Variants in RELN observed in about 807,000 individuals in gnomAD.
The protein encoded by RELN is reelin.
In RELN, 108 loss-of-function variants were observed where a neutral mutation model predicts 427.6. The ratio of observed to expected loss-of-function variants is 0.25; its 90% CI spans 0.22 to 0.30. The LOEUF is 0.30. Ranked by LOEUF, RELN falls within the 10% of genes least tolerant of loss-of-function variation. The pLI is 1.00. For missense variants in RELN, 3,715 were observed against 4,302.8 expected, an observed-to-expected ratio of 0.86 and a Z score of 3.82; for synonymous variants, 1,524 against 1,513.4, an observed-to-expected ratio of 1.01 and a Z score of -0.16.
chr7:103,971,106 C>T (rs553694265), intron 1 of RELN, among the ~76,000 whole-genome samples: 13 of 149,438 alleles, frequency 8.7e-5, no homozygotes, highest in South Asian at 2.1e-4. Flanking sequence ...GAGCAGAGAC[C>T]GTGCCACTGC....
intron 12 of RELN, among the ~76,000 whole-genome samples, chr7:103,656,675 G>A (rs1349262233): frequency 2.0e-5 from 3 of 152,014 alleles, no homozygotes; most frequent in African/African-American, 7.2e-5. Flanking sequence ...AAATTTGTGG[G>A]TTTTTGTTTT....
chr7:103,496,704 G>A lies in RELN; in HGVS notation c.9015C>T (p.Tyr3005=), dbSNP rs1162453862. ...YQKYISVRHD[Y]ILLPEDALTN... is the part of the protein sequence containing the mutation. ...TGAGGGCATCTTCAGGAAGAAGTAT[G>A]TAGTCGTGTCTAACAGAAATGTATT... Residue 3005 remains tyrosine (Y), a synonymous_variant, in exon 56 of 65, where the codon TAC becomes TAT. Transcript: ENST00000428762. 1 of 1,614,140 alleles carries A rather than the reference G, an allele frequency of 6.2e-7. No individual in the cohort carries two copies. Among genetic ancestry groups the A allele is most frequent in the East Asian group, 2.2e-5 (1 of 44,874 alleles).
chr7:103,719,773 C>CT (rs1306240843), intron 8 of RELN, among the ~76,000 whole-genome samples: 2 of 152,180 alleles, frequency 1.3e-5, no homozygotes, highest in Non-Finnish European at 2.9e-5. Flanking sequence ...GCCCCTAAGG[C>CT]TACTACCATA....
intron 2 of RELN, among the ~76,000 whole-genome samples, chr7:103,837,008 C>T (rs28513620): frequency 0.14 from 21,010 of 151,996 alleles, 1,627 homozygotes; most frequent in East Asian, 0.27. Flanking sequence ...CTCCTCAATC[C>T]CCAAGATTTA....
intron 12 of RELN, among the ~76,000 whole-genome samples, chr7:103,658,761 C>T (rs1354910288): frequency 6.6e-6 from 1 of 151,812 alleles, no homozygotes; most frequent in Admixed American, 6.6e-5. Context: ...GGGGAAACTC[C>T]CTCCAAAGTC....
chr7:103,935,184 T>G (rs1795953718), intron 1 of RELN, among the ~76,000 whole-genome samples: 1 of 152,240 alleles, frequency 6.6e-6, no homozygotes, highest in African/African-American at 2.4e-5. Flanking sequence ...AATCATATTT[T>G]GTAAGTGATC....
At chr7:103,741,806 G>A (rs1431482993) in intron 6 of RELN, among the ~76,000 whole-genome samples, 1 of 152,264 alleles carries the variant, frequency 6.6e-6, no homozygotes, top group South Asian at 2.1e-4. Context: ...ATATTTGAGG[G>A]GGAGAAGAGC....
intron 22 of RELN, among the ~76,000 whole-genome samples, chr7:103,608,742 A>G (rs774905737): frequency 6.6e-6 from 1 of 152,136 alleles, no homozygotes; most frequent in Non-Finnish European, 1.5e-5. Flanking sequence ...TTTTCTGACT[A>G]TACTAAAAAT....
At chr7:103,711,611 T>C (rs1398034374) in intron 8 of RELN, among the ~76,000 whole-genome samples, 2 of 152,164 alleles carry the variant, frequency 1.3e-5, no homozygotes, top group East Asian at 3.9e-4. Flanking sequence ...ACAGTACAAC[T>C]AGATTAGAAT....
At chr7:103,930,868 A>ATGTGTGTGTGTGTGTG (rs60265174) in intron 1 of RELN, among the ~76,000 whole-genome samples, 3 of 141,902 alleles carry the variant, frequency 2.1e-5, no homozygotes, top group South Asian at 2.3e-4. Flanking sequence ...GTGTGAGCAT[A>ATGTGTGTGTGTGTGTG]TGTGTGTGTG....
Position 103,744,685 on chromosome 7 carries a change from A to G in RELN, c.656+4741T>C, listed in dbSNP as rs1433422519. On this transcript the variant is annotated intron_variant, in intron 6 of 64. Coordinates refer to ENST00000428762, the MANE Select transcript of RELN (RefSeq NM_005045.4). The stretch of plus-strand genomic sequence containing the variant: ...CCTAGAAGAAATGGATAAATTCCTC[A>G]ACACATACATCCTCCCAAGACTAAA... Among the ~76,000 whole-genome samples the G allele has an allele frequency of 2.6e-5, 4 of 152,162 alleles. No individual in the cohort carries two copies. In the East Asian group the frequency reaches 5.8e-4, roughly 22 times the overall value.
chr7:103,508,808 T>G (rs1044218349), intron 51 of RELN, among the ~76,000 whole-genome samples: 1 of 152,230 alleles, frequency 6.6e-6, no homozygotes, highest in African/African-American at 2.4e-5. Context: ...CAGCAAAGTC[T>G]CAGGATACAA....
chr7:103,516,322 G>A (rs946717163), intron 49 of RELN, among the ~76,000 whole-genome samples: 29 of 139,376 alleles, frequency 2.1e-4, no homozygotes, highest in African/African-American at 7.5e-4. Context: ...ATCTCACTCT[G>A]TTGCCCACGC....
At chr7:103,685,997 T>C (rs1373887849) in intron 10 of RELN, among the ~76,000 whole-genome samples, 1 of 152,212 alleles carries the variant, frequency 6.6e-6, no homozygotes, top group East Asian at 1.9e-4. Flanking sequence ...TACATTTGCC[T>C]CTACCATTGT....
chr7:103,496,702 A>G lies in RELN; in HGVS notation c.9017T>C (p.Ile3006Thr). ...QKYISVRHDY[I>T]LLPEDALTNT... ...GGTGAGGGCATCTTCAGGAAGAAGT[A>G]TGTAGTCGTGTCTAACAGAAATGTA... Residue 3006 changes from isoleucine to threonine, a missense_variant, in exon 56 of 65, where the codon ATA (isoleucine) becomes ACA (threonine). Physicochemically the swap from Ile to Thr is moderately conservative, Grantham distance 89. Around this residue, in one of 4 missense-constraint regions of RELN, gnomAD observed 1,310 missense variants for 1,643.0 expected, o/e 0.80. Coordinates refer to ENST00000428762, the MANE Select transcript of RELN (RefSeq NM_005045.4). 6.2e-7 allele frequency: 1 copy of G among 1,614,180 alleles called. No homozygotes were observed. The highest frequency in any genetic ancestry group is 8.5e-7 in the Non-Finnish European group (1 of 1,180,006).
chr7:103,951,861 C>A (rs1204657126), intron 1 of RELN, among the ~76,000 whole-genome samples: 1 of 152,134 alleles, frequency 6.6e-6, no homozygotes, highest in Admixed American at 6.5e-5. Flanking sequence ...TTAGTAGACA[C>A]AGGGTTTTGC....
At chr7:103,939,329 A>G (rs1796060274) in intron 1 of RELN, among the ~76,000 whole-genome samples, 1 of 152,218 alleles carries the variant, frequency 6.6e-6, no homozygotes, top group Non-Finnish European at 1.5e-5. Context: ...TAGATAGAAA[A>G]TAAATAGAAA....
At chr7:103,818,847 T>C (rs1256147708) in intron 3 of RELN, among the ~76,000 whole-genome samples, 1 of 151,908 alleles carries the variant, frequency 6.6e-6, no homozygotes, top group Non-Finnish European at 1.5e-5. Context: ...GAATGTATAA[T>C]AGAACCCCAA....
At chr7:103,987,589 CTG>C (rs1182604596) in intron 1 of RELN, among the ~76,000 whole-genome samples, 1 of 152,082 alleles carries the variant, frequency 6.6e-6, no homozygotes, top group Non-Finnish European at 1.5e-5. Context: ...ACCGTTCTCA[CTG>C]AGAGATCATA....
Sources: allele counts gnomAD v4.1 joint callset (sites outside exome capture counted in the v4.1 genomes callset), GRCh38; gene constraint gnomAD v4.1.1; regional missense constraint gnomAD v4.1.1; transcripts MANE v1.5; gene names NCBI Gene and HGNC (gene_info 2026-07-23, HGNC 2026-07-21).